Variants in ZFHX3 observed in about 807,000 individuals in gnomAD.
ZFHX3 encodes zinc finger homeobox 3, also known as zinc finger homeobox protein 3.
In ZFHX3, 42 loss-of-function variants were observed where a neutral mutation model predicts 279.1. That is an observed-to-expected ratio of 0.15 (90% confidence interval 0.12 to 0.19). The LOEUF (loss-of-function observed/expected upper bound fraction) is 0.19, where lower values mean the gene tolerates loss of function less well. ZFHX3 is among the 10% of genes least tolerant of loss of function. The pLI is 1.00. For missense variants in ZFHX3, 4,981 were observed against 4,754.0 expected (o/e 1.05, Z -1.40); for synonymous variants, 2,293 against 1,957.8 (o/e 1.17, Z -4.52).
intron 3 of ZFHX3, among the ~76,000 whole-genome samples, chr16:73,364,152 G>A (rs1019342366): frequency 2.0e-5 from 3 of 147,802 alleles, no homozygotes; most frequent in East Asian, 2.0e-4. Flanking sequence ...TAGCCTGGGC[G>A]ATGAGTGAGT....
intron 3 of ZFHX3, among the ~76,000 whole-genome samples, chr16:72,922,418 T>C (rs969903154): frequency 6.6e-6 from 1 of 152,178 alleles, no homozygotes; most frequent in Non-Finnish European, 1.5e-5. Context: ...CTGAAGTTCA[T>C]CTCATCCTAT....
At chr16:72,980,644 G>T (rs537841273) in intron 1 of ZFHX3, among the ~76,000 whole-genome samples, 1 of 151,572 alleles carries the variant, frequency 6.6e-6, no homozygotes, top group Admixed American at 6.6e-5. Context: ...AGTGGTGTGC[G>T]CCTGTAGTCC....
chr16:73,653,123 G>T (rs1288302976), intron 2 of ZFHX3, among the ~76,000 whole-genome samples: 2 of 152,122 alleles, frequency 1.3e-5, no homozygotes, highest in Non-Finnish European at 2.9e-5. Context: ...TATTGACAAA[G>T]AATGTTACTT....
At chr16:73,024,352 C>A (rs961251225) in intron 1 of ZFHX3, among the ~76,000 whole-genome samples, 1 of 152,172 alleles carries the variant, frequency 6.6e-6, no homozygotes, top group South Asian at 2.1e-4. Context: ...TGGCCAGTCT[C>A]CACCAAGCCT....
At chr16:72,878,478 C>G (rs1227032960) in intron 4 of ZFHX3, among the ~76,000 whole-genome samples, 1 of 152,218 alleles carries the variant, frequency 6.6e-6, no homozygotes, top group Non-Finnish European at 1.5e-5. Flanking sequence ...ACAAGGAAGT[C>G]ACAAAGGGCT....
chr16:72,811,489 C>T (rs1391705929), intron 7 of ZFHX3, 88 bp downstream of exon 7: 11 of 1,307,034 alleles, frequency 8.4e-6, no homozygotes, highest in Non-Finnish European at 9.3e-6. Flanking sequence ...CTGACTTTCT[C>T]GTCCAATAAT....
intron 1 of ZFHX3, among the ~76,000 whole-genome samples, chr16:73,807,180 TATC>T (rs147678097): frequency 2.6e-5 from 4 of 152,268 alleles, no homozygotes; most frequent in Non-Finnish European, 4.4e-5. Flanking sequence ...ATGCCTCTAT[TATC>T]ATAGAAGTTA....
At chr16:72,962,090 A>C (rs1961607448) in intron 1 of ZFHX3, among the ~76,000 whole-genome samples, 1 of 152,208 alleles carries the variant, frequency 6.6e-6, no homozygotes, top group Non-Finnish European at 1.5e-5. Flanking sequence ...GAGGGTTAAC[A>C]GCCCGATTGT....
In ZFHX3 at chr16:73,673,243, G is replaced by A. The variant is rs915242513; in HGVS notation, c.-1547+6937C>T. On this transcript the variant is annotated intron_variant, in intron 2 of 17. Coordinates refer to the ZFHX3 transcript ENST00000641206. ...AGATAAGAATAGGGAAGGGGCACAC[G>A]GGTAGAGGCCACTGTCCCGCTAATT... 2.6e-5 allele frequency among the ~76,000 whole-genome samples: 4 copies of A among 152,118 alleles called. No individual in the cohort carries two copies. In the East Asian group the frequency reaches 7.7e-4, roughly 29 times the overall value.
intron 2 of ZFHX3, among the ~76,000 whole-genome samples, chr16:73,675,823 C>A (rs1296794084): frequency 6.6e-6 from 1 of 151,850 alleles, no homozygotes; most frequent in African/African-American, 2.4e-5. Flanking sequence ...TACACGCACG[C>A]ACATATGCAC....
chr16:73,440,412 C>T (rs1233995492), intron 3 of ZFHX3, among the ~76,000 whole-genome samples: 2 of 152,172 alleles, frequency 1.3e-5, no homozygotes, highest in African/African-American at 4.8e-5. Context: ...AAAACGAACA[C>T]AAGACAGAAA....
intron 2 of ZFHX3, among the ~76,000 whole-genome samples, chr16:73,678,370 G>A (rs1180285875): frequency 7.2e-5 from 11 of 152,102 alleles, no homozygotes; most frequent in African/African-American, 2.7e-4. Context: ...TCTAATTACA[G>A]TGGGTAAAAA....
At position 73,278,680 on chromosome 16, in the gene ZFHX3, G is replaced by A. The variant is rs371981881; in HGVS notation, c.-1193-21544C>T. Among the ~76,000 whole-genome samples, 15 of 152,256 alleles carry A rather than the reference G, an allele frequency of 9.9e-5. 1 individual carries two copies. The highest frequency in any genetic ancestry group is 3.3e-4 in the Admixed American group (5 of 15,280). ...GAGTGCTCTTTTTTCAGTCCTCCCT[G>A]CTATTGGTTACTTTTGGGATCTTGC... is the stretch of plus-strand genomic sequence containing the variant. On this transcript the variant is annotated intron_variant, in intron 4 of 17. Coordinates refer to the ZFHX3 transcript ENST00000641206.
intron 2 of ZFHX3, among the ~76,000 whole-genome samples, chr16:73,575,697 G>C (rs2051792673): frequency 6.6e-6 from 1 of 152,100 alleles, no homozygotes. Flanking sequence ...TTTCCCTCCT[G>C]AGCTTTGCTT....
chr16:73,472,728 T>C (rs2018691013), intron 2 of ZFHX3, among the ~76,000 whole-genome samples: 1 of 152,156 alleles, frequency 6.6e-6, no homozygotes, highest in Non-Finnish European at 1.5e-5. Context: ...ATCAGGGGAT[T>C]GGTTAGTCCA....
intron 2 of ZFHX3, among the ~76,000 whole-genome samples, chr16:73,556,196 T>G (rs1046081364): frequency 1.3e-5 from 2 of 152,204 alleles, no homozygotes; most frequent in Non-Finnish European, 2.9e-5. Context: ...AATAAGCTGT[T>G]GTTGGCTTTC....
intron 1 of ZFHX3, among the ~76,000 whole-genome samples, chr16:73,861,130 G>GT (rs376287574): frequency 3.7e-4 from 56 of 151,364 alleles, no homozygotes; most frequent in African/African-American, 8.7e-4. Flanking sequence ...CACCTGGATG[G>GT]TTTTTTTTGT....
At chr16:73,215,893 G>C (rs552974115) in intron 5 of ZFHX3, among the ~76,000 whole-genome samples, 1 of 152,092 alleles carries the variant, frequency 6.6e-6, no homozygotes, top group Non-Finnish European at 1.5e-5. Context: ...GTGTGTGTGC[G>C]TGTGTATGTG....
At chr16:73,274,906 C>G (rs1261090347) in intron 4 of ZFHX3, among the ~76,000 whole-genome samples, 3 of 151,984 alleles carry the variant, frequency 2.0e-5, no homozygotes, top group African/African-American at 7.3e-5. Context: ...GGATAGATAC[C>G]CTTTATTGGT....
Sources: gnomAD v4.1 joint callset for allele counts (sites outside exome capture counted in the v4.1 genomes callset) on GRCh38, gnomAD v4.1.1 for gene constraint, MANE v1.5 for transcripts, NCBI Gene and HGNC (gene_info 2026-07-23, HGNC 2026-07-21) for gene names.